The following PAN3 variants were observed in gnomAD, a reference collection of about 807,000 sequenced individuals.
PAN3 encodes PAN2-PAN3 deadenylation complex subunit PAN3.
In PAN3, 19 loss-of-function variants were observed where a neutral mutation model predicts 96.2. The observed-to-expected ratio is 0.20, with a 90% CI of 0.14 to 0.29. The LOEUF (loss-of-function observed/expected upper bound fraction) is 0.29. Among genes scored for constraint, PAN3 ranks in the 10% least tolerant of loss-of-function variants. The probability of loss-of-function intolerance (pLI) is 1.00; values close to 1 mark genes in which losing one functional copy is unlikely to be tolerated. For synonymous variants in PAN3, 433 were observed against 406.6 expected, an observed-to-expected ratio of 1.06 and a Z score of -0.78; for missense variants, 882 against 1,108.1, an observed-to-expected ratio of 0.80 and a Z score of 2.90.
chr13:28,231,220 A>G (rs756104435), intron 6 of PAN3, among the ~76,000 whole-genome samples: 4 of 152,192 alleles, frequency 2.6e-5, no homozygotes, highest in Non-Finnish European at 5.9e-5. Context: ...TATACAATCA[A>G]TAGTCTAATG....
At chr13:28,149,055 C>G (rs1197343236) in intron 1 of PAN3, among the ~76,000 whole-genome samples, 1 of 150,772 alleles carries the variant, frequency 6.6e-6, no homozygotes, top group Non-Finnish European at 1.5e-5. Context: ...ACAGTTGATA[C>G]ATTAAAAAAA....
intron 4 of PAN3, among the ~76,000 whole-genome samples, chr13:28,195,453 A>G (rs1259858919): frequency 1.3e-5 from 2 of 152,152 alleles, no homozygotes; most frequent in African/African-American, 4.8e-5. Flanking sequence ...TTATTGAGTA[A>G]GTAGGCATTC....
intron 1 of PAN3, among the ~76,000 whole-genome samples, chr13:28,167,708 G>A (rs1873771072): frequency 6.6e-6 from 1 of 151,730 alleles, no homozygotes; most frequent in African/African-American, 2.4e-5. Flanking sequence ...GCTGGGTGTG[G>A]TGGCTCATTC....
At chr13:28,173,018 CAG>C (rs1446130877) in intron 1 of PAN3, among the ~76,000 whole-genome samples, 2 of 152,124 alleles carry the variant, frequency 1.3e-5, no homozygotes, top group Non-Finnish European at 2.9e-5. Flanking sequence ...AATGGGGGGA[CAG>C]GGAGTGAAAG....
At chr13:28,259,099 T>C (rs1482625865) in intron 7 of PAN3, among the ~76,000 whole-genome samples, 2 of 152,022 alleles carry the variant, frequency 1.3e-5, no homozygotes, top group African/African-American at 4.8e-5. Flanking sequence ...TAAATTTTAC[T>C]GTATCTGAAG....
At chr13:28,146,474 G>A (rs1870667084) in intron 1 of PAN3, among the ~76,000 whole-genome samples, 1 of 152,058 alleles carries the variant, frequency 6.6e-6, no homozygotes, top group African/African-American at 2.4e-5. Flanking sequence ...GAGGTTGGAA[G>A]TCCCAGATGA....
At chr13:28,216,660 C>T (rs1323780726) in intron 5 of PAN3, among the ~76,000 whole-genome samples, 1 of 152,104 alleles carries the variant, frequency 6.6e-6, no homozygotes, top group Non-Finnish European at 1.5e-5. Flanking sequence ...TAAAATAACC[C>T]TGACCAGTAT....
chr13:28,144,760 G>T (rs1053585748), intron 1 of PAN3, among the ~76,000 whole-genome samples: 38 of 123,184 alleles, frequency 3.1e-4, no homozygotes, highest in African/African-American at 1.2e-3. Flanking sequence ...TCACTCTGTA[G>T]CCCAGGATGG....
intron 6 of PAN3, among the ~76,000 whole-genome samples, chr13:28,227,575 G>C (rs1882133178): frequency 6.6e-6 from 1 of 152,136 alleles, no homozygotes; most frequent in Non-Finnish European, 1.5e-5. Flanking sequence ...ATACCGCTTG[G>C]TTTCTGTGTT....
intron 5 of PAN3, chr13:28,215,885 G>C (rs1880692559): frequency 3.0e-6 from 4 of 1,343,974 alleles, no homozygotes; most frequent in Non-Finnish European, 4.2e-6. Context: ...AGAAATCTCA[G>C]AAGGCTAAAT....
At chr13:28,267,498 A>G in intron 12 of PAN3, 97 bp downstream of exon 12, 1 of 1,020,336 alleles carries the variant, frequency 9.8e-7, no homozygotes, top group Non-Finnish European at 1.5e-6. Context: ...TTTTCCCTGT[A>G]ATCATTTAGT....
chr13:28,280,503 C>G lies in PAN3; in HGVS notation c.2281C>G (p.Gln761Glu), dbSNP rs1593628791. Residue 761 changes from glutamine (Q) to glutamate (E), a missense_variant, in exon 16 of 19, where the codon CAA (glutamine) becomes GAA (glutamate). Physicochemically the swap from Gln to Glu is conservative, Grantham distance 29. This residue lies in a region of PAN3 where 76 missense variants were observed against 171.7 expected (regional missense o/e 0.44). Transcript: ENST00000380958. ...ARFYTQLDAA[Q>E]MRNDVIEEDL... ...ATTTTATACTCAATTGGATGCTGCT[C>G]AAATGAGAAATGATGTCATAGAGGA... is the stretch of plus-strand genomic sequence containing the variant. The G allele has an allele frequency of 1.3e-6, 2 of 1,591,502 alleles. No homozygotes were observed. The highest frequency in any genetic ancestry group is 1.7e-6 in the Non-Finnish European group (2 of 1,166,974).
chr13:28,146,979 C>T (rs1359382872), intron 1 of PAN3, among the ~76,000 whole-genome samples: 2 of 149,554 alleles, frequency 1.3e-5, no homozygotes, highest in African/African-American at 4.9e-5. Context: ...AAGACTCCGT[C>T]TCAAAAAAAA....
At chr13:28,241,915 T>C (rs1483990814) in intron 6 of PAN3, among the ~76,000 whole-genome samples, 1 of 152,240 alleles carries the variant, frequency 6.6e-6, no homozygotes, top group Non-Finnish European at 1.5e-5. Flanking sequence ...AGATGACATA[T>C]GTTTTATTAA....
intron 7 of PAN3, among the ~76,000 whole-genome samples, chr13:28,257,737 A>ATTAATATAT (rs1566235090): frequency 9.0e-6 from 1 of 110,548 alleles, no homozygotes; most frequent in Non-Finnish European, 2.1e-5. Flanking sequence ...ATTATATATA[A>ATTAATATAT]ATTATATATA....
chr13:28,209,775 T>A (rs1475504277), intron 5 of PAN3, among the ~76,000 whole-genome samples: 2 of 152,032 alleles, frequency 1.3e-5, no homozygotes, highest in Non-Finnish European at 2.9e-5. Flanking sequence ...CTGCCTGCCT[T>A]TCTTTTTCTT....
intron 1 of PAN3, among the ~76,000 whole-genome samples, chr13:28,170,185 C>G (rs1186719584): frequency 6.6e-6 from 1 of 152,126 alleles, no homozygotes. Context: ...AAGTCGTCTT[C>G]TATCAAAGTT....
At chr13:28,252,069 G>A (rs1039626993) in intron 6 of PAN3, among the ~76,000 whole-genome samples, 1 of 151,764 alleles carries the variant, frequency 6.6e-6, no homozygotes, top group Non-Finnish European at 1.5e-5. Flanking sequence ...TGTATTTTTA[G>A]TAGAGATGGG....
At chr13:28,267,516 C>T in intron 12 of PAN3, 115 bp downstream of exon 12, 1 of 855,632 alleles carries the variant, frequency 1.2e-6, no homozygotes, top group Non-Finnish European at 1.8e-6. Flanking sequence ...AGTTTAAAGA[C>T]TCTATTACAT....
Sources: allele counts gnomAD v4.1 joint callset (sites outside exome capture counted in the v4.1 genomes callset), GRCh38; gene constraint gnomAD v4.1.1; regional missense constraint gnomAD v4.1.1; transcripts MANE v1.5; gene names NCBI Gene and HGNC (gene_info 2026-07-23, HGNC 2026-07-21).